Variants in GLI3 observed in about 807,000 individuals in gnomAD.
The protein encoded by GLI3 is GLI family zinc finger 3, also known as transcription activator GLI3.
Under a neutral mutation model 100.8 loss-of-function variants are expected in GLI3, and 20 were observed. The ratio of observed to expected loss-of-function variants is 0.20; its 90% CI spans 0.14 to 0.29. The LOEUF is 0.29. Ranked by LOEUF, GLI3 falls within the 10% of genes least tolerant of loss-of-function variation. The pLI, the probability that GLI3 is intolerant of heterozygous loss-of-function variation, is 1.00. For missense variants in GLI3, 2,040 were observed against 2,128.5 expected (o/e 0.96, Z 0.82); for synonymous variants, 938 against 860.5 (o/e 1.09, Z -1.58).
At chr7:42,165,715 A>G (rs571512954) in intron 2 of GLI3, among the ~76,000 whole-genome samples, 1 of 152,312 alleles carries the variant, frequency 6.6e-6, no homozygotes, top group South Asian at 2.1e-4. Flanking sequence ...AGCTGACCAC[A>G]GAAAGAAACA....
intron 2 of GLI3, among the ~76,000 whole-genome samples, chr7:42,170,564 A>AGCCAATTT (rs1287808061): frequency 6.6e-6 from 1 of 151,606 alleles, no homozygotes. Flanking sequence ...CACCACACCC[A>AGCCAATTT]GCCAATTTTT....
intron 4 of GLI3, among the ~76,000 whole-genome samples, chr7:42,070,879 A>G (rs889045539): frequency 6.6e-6 from 1 of 152,162 alleles, no homozygotes; most frequent in African/African-American, 2.4e-5. Context: ...GGGACCAGTA[A>G]CTGCTTTAAT....
chr7:42,058,383 T>G (rs1156534545), intron 4 of GLI3, among the ~76,000 whole-genome samples: 2 of 152,204 alleles, frequency 1.3e-5, no homozygotes, highest in Admixed American at 6.5e-5. Context: ...TTGTGCAACT[T>G]TCTCTGTATT....
intron 2 of GLI3, among the ~76,000 whole-genome samples, chr7:42,162,202 G>A (rs879570624): frequency 5.9e-5 from 9 of 152,142 alleles, no homozygotes; most frequent in Non-Finnish European, 1.0e-4. Flanking sequence ...GACTGTGGGG[G>A]GATAGACCAG....
intron 3 of GLI3, among the ~76,000 whole-genome samples, chr7:42,088,257 C>G (rs1353188203): frequency 2.0e-5 from 3 of 152,196 alleles, no homozygotes; most frequent in African/African-American, 7.2e-5. Flanking sequence ...AATGCCTTCT[C>G]AAGTCCACCG....
At chr7:42,013,040 C>T (rs1788663468) in intron 10 of GLI3, among the ~76,000 whole-genome samples, 1 of 152,110 alleles carries the variant, frequency 6.6e-6, no homozygotes, top group South Asian at 2.1e-4. Flanking sequence ...AAGATTGGGC[C>T]GGTTATGTTA....
intron 2 of GLI3, among the ~76,000 whole-genome samples, chr7:42,163,941 T>G (rs1787186121): frequency 6.6e-6 from 1 of 152,240 alleles, no homozygotes; most frequent in African/African-American, 2.4e-5. Flanking sequence ...TAATAATCTT[T>G]TGCTTACTTG....
At chr7:42,069,516 A>T (rs1174205269) in intron 4 of GLI3, among the ~76,000 whole-genome samples, 1 of 152,254 alleles carries the variant, frequency 6.6e-6, no homozygotes, top group Admixed American at 6.5e-5. Flanking sequence ...ACGAGAAATG[A>T]TAACCAAATA....
At chr7:42,009,714 C>A (rs1242702108) in intron 10 of GLI3, among the ~76,000 whole-genome samples, 3 of 152,220 alleles carry the variant, frequency 2.0e-5, no homozygotes, top group African/African-American at 7.2e-5. Flanking sequence ...ACTGTCCTCT[C>A]AGTTCTCGTT....
intron 10 of GLI3, among the ~76,000 whole-genome samples, chr7:42,004,357 T>C (rs1370725727): frequency 2.0e-5 from 3 of 152,160 alleles, no homozygotes; most frequent in African/African-American, 7.2e-5. Context: ...TATTCTTACT[T>C]ACAGATCACA....
chr7:42,042,763 C>T (rs976103519), intron 6 of GLI3, among the ~76,000 whole-genome samples: 48 of 152,182 alleles, frequency 3.2e-4, no homozygotes, highest in African/African-American at 1.1e-3. Flanking sequence ...CATAGCCTGG[C>T]TGGAACCTTT....
intron 4 of GLI3, among the ~76,000 whole-genome samples, chr7:42,060,640 C>A (rs1784548583): frequency 6.6e-6 from 1 of 152,088 alleles, no homozygotes; most frequent in Non-Finnish European, 1.5e-5. Context: ...TGATGAATTA[C>A]CAATTCCATC....
At chr7:42,143,495 T>C (rs1241414156) in intron 3 of GLI3, among the ~76,000 whole-genome samples, 2 of 152,178 alleles carry the variant, frequency 1.3e-5, no homozygotes, top group Non-Finnish European at 2.9e-5. Flanking sequence ...ATACATCCTC[T>C]CTTCCATTCA....
chr7:42,017,848 C>A (rs1359320177), intron 10 of GLI3, among the ~76,000 whole-genome samples: 1 of 152,234 alleles, frequency 6.6e-6, no homozygotes, highest in Non-Finnish European at 1.5e-5. Context: ...CAATGAGAGA[C>A]TGAGTGACCT....
intron 4 of GLI3, among the ~76,000 whole-genome samples, chr7:42,059,370 T>A (rs1784522772): frequency 1.3e-5 from 2 of 151,182 alleles, no homozygotes. Context: ...GTAAGAAGGA[T>A]AAAACCAGTA....
At chr7:42,215,746 T>C (rs925666547) in intron 2 of GLI3, among the ~76,000 whole-genome samples, 3 of 152,214 alleles carry the variant, frequency 2.0e-5, no homozygotes, top group Non-Finnish European at 4.4e-5. Flanking sequence ...AGAAATCCAA[T>C]AGCTAAAATC....
chr7:42,054,291 A>C (rs1784408786), intron 4 of GLI3, among the ~76,000 whole-genome samples: 1 of 152,222 alleles, frequency 6.6e-6, no homozygotes, highest in South Asian at 2.1e-4. Flanking sequence ...TATATAATCT[A>C]ATTCATTACT....
In GLI3 at chr7:41,964,290, C is replaced by CA. The variant is rs1787095666; in HGVS notation, c.*39_*40insT. 3 of 1,589,214 alleles carry CA rather than the reference C, an allele frequency of 1.9e-6. No individual in the cohort carries two copies. The African/African-American group carries it at 4.0e-5, about 21-fold the overall frequency. On this transcript the variant is annotated 3_prime_UTR_variant, in exon 15 of 15. Coordinates refer to ENST00000395925, the MANE Select transcript of GLI3 (RefSeq NM_000168.6). ...AAAGTCAGTTTAATCTCTTCAACTCCTATTGATTTCCGTTGGTTGCAGTCT... is the reference window on the plus strand; with the variant it reads ...AAAGTCAGTTTAATCTCTTCAACTCCATATTGATTTCCGTTGGTTGCAGTCT...
At chr7:41,981,988 A>G (rs1787681227) in intron 10 of GLI3, among the ~76,000 whole-genome samples, 1 of 152,144 alleles carries the variant, frequency 6.6e-6, no homozygotes, top group Non-Finnish European at 1.5e-5. Flanking sequence ...TGTTGTCTCC[A>G]TGTGGGGAGG....
Sources: gnomAD v4.1 joint callset for allele counts (sites outside exome capture counted in the v4.1 genomes callset) on GRCh38, gnomAD v4.1.1 for gene constraint, MANE v1.5 for transcripts, NCBI Gene and HGNC (gene_info 2026-07-23, HGNC 2026-07-21) for gene names.